NYAP2: variants seen among roughly 807,000 people sequenced by gnomAD.
NYAP2 encodes neuronal tyrosine-phosphorylated phosphoinositide-3-kinase adapter 2.
A neutral mutation model predicts 50.4 loss-of-function variants in NYAP2; 23 were observed. The observed-to-expected ratio is 0.46, with a 90% CI of 0.33 to 0.65. The LOEUF is 0.65. Ranked by LOEUF, NYAP2 falls within the 30% of genes least tolerant of loss-of-function variation. The probability of loss-of-function intolerance (pLI) is 0.02; values close to 1 mark genes in which losing one functional copy is unlikely to be tolerated. For synonymous variants in NYAP2, 394 were observed against 365.2 expected, an observed-to-expected ratio of 1.08 and a Z score of -0.90; for missense variants, 885 against 861.0, an observed-to-expected ratio of 1.03 and a Z score of -0.35.
At chr2:225,513,945 A>T in intron 4 of NYAP2, among the ~76,000 whole-genome samples, 1 of 152,374 alleles carries the variant, frequency 6.6e-6, no homozygotes, top group Non-Finnish European at 1.5e-5. Context: ...TTCTGCCCAG[A>T]AATATATCTA....
chr2:225,527,862 C>T (rs1466874072), intron 4 of NYAP2, among the ~76,000 whole-genome samples: 3 of 152,200 alleles, frequency 2.0e-5, no homozygotes, highest in Admixed American at 1.3e-4. Context: ...TGCCTGGGCT[C>T]ATCTCAAACT....
chr2:225,601,414 C>A (rs200670277), intron 5 of NYAP2, among the ~76,000 whole-genome samples: 1 of 152,232 alleles, frequency 6.6e-6, no homozygotes, highest in East Asian at 1.9e-4. Context: ...GCTGGGATTA[C>A]GGGCGTGGAC....
intron 3 of NYAP2, among the ~76,000 whole-genome samples, chr2:225,428,413 C>A (rs1379602196): frequency 6.6e-6 from 1 of 152,156 alleles, no homozygotes; most frequent in East Asian, 1.9e-4. Flanking sequence ...ACCCTCTAGT[C>A]CATAGCTCAG....
chr2:225,521,257 C>T (rs1055018633), intron 4 of NYAP2, among the ~76,000 whole-genome samples: 1 of 151,864 alleles, frequency 6.6e-6, no homozygotes, highest in Non-Finnish European at 1.5e-5. Context: ...TAATTGAATA[C>T]CCTTTATTTC....
At chr2:225,516,109 C>G (rs1690929129) in intron 4 of NYAP2, among the ~76,000 whole-genome samples, 2 of 152,164 alleles carry the variant, frequency 1.3e-5, no homozygotes, top group South Asian at 2.1e-4. Flanking sequence ...TGATTACTGT[C>G]CCACAGAAGA....
chr2:225,640,815 T>G (rs936448576), intron 6 of NYAP2, among the ~76,000 whole-genome samples: 2 of 152,186 alleles, frequency 1.3e-5, no homozygotes, highest in African/African-American at 4.8e-5. Flanking sequence ...ATATTTCCCC[T>G]TTAACTTGGT....
At chr2:225,412,281 T>TTTTTTTTTTTG (rs1695056916) in intron 3 of NYAP2, among the ~76,000 whole-genome samples, 1 of 137,430 alleles carries the variant, frequency 7.3e-6, no homozygotes, top group Non-Finnish European at 1.5e-5. Context: ...TTTTTTTTTT[T>TTTTTTTTTTTG]AACAAAAATT....
At chr2:225,624,918 C>T (rs988261412) in intron 5 of NYAP2, among the ~76,000 whole-genome samples, 1 of 151,822 alleles carries the variant, frequency 6.6e-6, no homozygotes, top group Non-Finnish European at 1.5e-5. Context: ...AGATTCCTGA[C>T]CCGGACTGCT....
rs528649051 is a variant in NYAP2, at chr2:225,551,151, C to G, written c.524-30790C>G. Among the ~76,000 whole-genome samples, 9 of 152,278 alleles carry G rather than the reference C, an allele frequency of 5.9e-5. No individual in the cohort carries two copies. In the East Asian group the frequency reaches 1.7e-3, roughly 29 times the overall value. On this transcript the variant is annotated intron_variant, in intron 4 of 6. Coordinates refer to ENST00000636099, the Ensembl canonical transcript of NYAP2. ...GTTTATTTTAGAAAATAGAAGAAACCTGTGACAGCTACTTTAGTGACCCCT... is the reference window on the plus strand; with the variant it reads ...GTTTATTTTAGAAAATAGAAGAAACGTGTGACAGCTACTTTAGTGACCCCT...
Position 225,582,693 on chromosome 2 carries a change from C to A in NYAP2, c.1276C>A (p.Pro426Thr). The change falls in exon 5 of 7, where the codon CCC becomes ACC. Residue 426 changes from proline (P) to threonine (T), a missense_variant. Coordinates refer to ENST00000636099, the Ensembl canonical transcript of NYAP2. This position sits in a 1 kb window ranked among gnomAD's most constrained non-coding sequence, Gnocchi z 7.0. ...GTCTACGCTGTACCGAACCCAGTCTCCCCATGGCTACCCTAAAAGTCACTC... is the reference window on the plus strand; with the variant it reads ...GTCTACGCTGTACCGAACCCAGTCTACCCATGGCTACCCTAAAAGTCACTC... 1 of 1,605,640 alleles carries A rather than the reference C, an allele frequency of 6.2e-7. No individual in the cohort carries two copies. Among genetic ancestry groups the A allele is most frequent in the Non-Finnish European group, 8.5e-7 (1 of 1,175,000 alleles).
chr2:225,604,171 G>T (rs1422510739), intron 5 of NYAP2, among the ~76,000 whole-genome samples: 1 of 151,526 alleles, frequency 6.6e-6, no homozygotes, highest in Non-Finnish European at 1.5e-5. Context: ...AAGAAAAGAG[G>T]ATGACAAGAG....
At chr2:225,443,057 A>G (rs1472470795) in intron 3 of NYAP2, among the ~76,000 whole-genome samples, 1 of 152,196 alleles carries the variant, frequency 6.6e-6, no homozygotes, top group Non-Finnish European at 1.5e-5. Context: ...TCATGAGAAC[A>G]GCACAGGAAA....
the NYAP2 span, among the ~76,000 whole-genome samples, chr2:225,672,756 G>C: frequency 6.6e-6 from 1 of 151,942 alleles, no homozygotes; most frequent in African/African-American, 2.4e-5. Context: ...GTTATTAATT[G>C]GCCTAATTTC....
intron 6 of NYAP2, among the ~76,000 whole-genome samples, chr2:225,640,063 T>C (rs1396183905): frequency 2.0e-5 from 3 of 152,228 alleles, no homozygotes; most frequent in Non-Finnish European, 4.4e-5. Context: ...AAGCCATTTA[T>C]GGATTTTTAA....
intron 4 of NYAP2, among the ~76,000 whole-genome samples, chr2:225,559,574 G>A (rs1691837224): frequency 6.6e-6 from 1 of 151,936 alleles, no homozygotes. Flanking sequence ...AATTTTTGTA[G>A]GACACTCTCC....
chr2:225,506,318 C>G (rs1187429782), intron 3 of NYAP2, among the ~76,000 whole-genome samples: 2 of 152,310 alleles, frequency 1.3e-5, no homozygotes, highest in East Asian at 3.9e-4. Flanking sequence ...CATTTGTACT[C>G]AAGGCCAATG....
At chr2:225,690,369 A>G in the NYAP2 span, among the ~76,000 whole-genome samples, 2 of 152,270 alleles carry the variant, frequency 1.3e-5, no homozygotes, top group African/African-American at 4.8e-5. Context: ...GCAGAAAATT[A>G]TAATCCTTCC....
intron 3 of NYAP2, among the ~76,000 whole-genome samples, chr2:225,457,171 A>G (rs182143119): frequency 6.6e-6 from 1 of 152,292 alleles, no homozygotes; most frequent in Admixed American, 6.5e-5. Context: ...TGCAATGTAC[A>G]TCCTGTGCTT....
At chr2:225,522,965 A>T (rs1191419882) in intron 4 of NYAP2, among the ~76,000 whole-genome samples, 3 of 152,182 alleles carry the variant, frequency 2.0e-5, no homozygotes, top group African/African-American at 7.2e-5. Flanking sequence ...AGCCAGAATT[A>T]GATTTTCTTC....
Sources: allele counts gnomAD v4.1 joint callset (sites outside exome capture counted in the v4.1 genomes callset), GRCh38; gene constraint gnomAD v4.1.1; non-coding constraint Gnocchi (gnomAD v3.1); transcripts MANE v1.5; gene names NCBI Gene and HGNC (gene_info 2026-07-23, HGNC 2026-07-21).